CDH13: variants seen among roughly 807,000 people sequenced by gnomAD.
The protein encoded by CDH13 is cadherin 13, also known as cadherin-13.
Under a neutral mutation model 63.8 loss-of-function variants are expected in CDH13, and 24 were observed. The ratio of observed to expected loss-of-function variants is 0.38; its 90% CI spans 0.27 to 0.53. CDH13 has a LOEUF of 0.53. CDH13 is among the 20% of genes least tolerant of loss of function. CDH13 has a pLI of 0.85. For synonymous variants in CDH13, 503 were observed against 355.3 expected (o/e 1.42, Z -4.67); for missense variants, 1,049 against 903.1 (o/e 1.16, Z -2.07).
At chr16:83,184,301 C>T (rs1412406099) in intron 4 of CDH13, among the ~76,000 whole-genome samples, 1 of 152,142 alleles carries the variant, frequency 6.6e-6, no homozygotes, top group East Asian at 1.9e-4. Flanking sequence ...CAGCCTCTTA[C>T]ATTAACTCTA....
chr16:82,939,891 C>G (rs2151307027), intron 2 of CDH13, among the ~76,000 whole-genome samples: 1 of 152,284 alleles, frequency 6.6e-6, no homozygotes, highest in Non-Finnish European at 1.5e-5. Context: ...AAGACATGCC[C>G]TCGACTGGGT....
intron 4 of CDH13, among the ~76,000 whole-genome samples, chr16:83,182,195 T>G (rs1322186034): frequency 6.6e-6 from 1 of 152,258 alleles, no homozygotes. Context: ...TAATCCTTCC[T>G]GCCTCCTGCT....
At chr16:83,714,108 C>G (rs995862268) in intron 10 of CDH13, among the ~76,000 whole-genome samples, 2 of 152,134 alleles carry the variant, frequency 1.3e-5, no homozygotes, top group African/African-American at 4.8e-5. Flanking sequence ...TGCCCTACGC[C>G]AAATCAGGTG....
intron 3 of CDH13, among the ~76,000 whole-genome samples, chr16:83,084,326 T>C (rs1483431833): frequency 2.0e-5 from 3 of 152,160 alleles, no homozygotes; most frequent in South Asian, 4.1e-4. Context: ...GAGTTTTTGT[T>C]TGTCTCTTGT....
At chr16:82,716,009 A>C (rs964767588) in intron 1 of CDH13, among the ~76,000 whole-genome samples, 1 of 152,200 alleles carries the variant, frequency 6.6e-6, no homozygotes, top group Non-Finnish European at 1.5e-5. Context: ...GCTTCCCTGC[A>C]GTCTGCTGGC....
intron 8 of CDH13, among the ~76,000 whole-genome samples, chr16:83,643,410 C>G (rs911709332): frequency 7.5e-6 from 1 of 134,050 alleles, no homozygotes; most frequent in Non-Finnish European, 1.8e-5. Flanking sequence ...TGATCACACT[C>G]TCTTCAGTAT....
At chr16:83,282,081 A>C (rs866710885) in intron 5 of CDH13, among the ~76,000 whole-genome samples, 1 of 152,128 alleles carries the variant, frequency 6.6e-6, no homozygotes, top group African/African-American at 2.4e-5. Flanking sequence ...GGGAGTCCCA[A>C]GGAGAGGGAG....
chr16:83,350,317 G>A (rs1280121143), intron 6 of CDH13, among the ~76,000 whole-genome samples: 1 of 152,224 alleles, frequency 6.6e-6, no homozygotes, highest in East Asian at 1.9e-4. Context: ...AAAGATAGGT[G>A]GTGAGAGGTC....
intron 1 of CDH13, among the ~76,000 whole-genome samples, chr16:82,714,054 C>A (rs2032168609): frequency 1.3e-5 from 2 of 152,132 alleles, no homozygotes; most frequent in Admixed American, 1.3e-4. Flanking sequence ...CTGTCTCGGC[C>A]TTCCAAAGTG....
At chr16:83,572,673 A>C (rs1306704777) in intron 7 of CDH13, among the ~76,000 whole-genome samples, 1 of 152,210 alleles carries the variant, frequency 6.6e-6, no homozygotes, top group Non-Finnish European at 1.5e-5. Context: ...CTTCCGGGAC[A>C]TGGGCAGAGG....
At chr16:83,474,196 C>T (rs548436788) in intron 6 of CDH13, among the ~76,000 whole-genome samples, 1 of 152,246 alleles carries the variant, frequency 6.6e-6, no homozygotes, top group African/African-American at 2.4e-5. Context: ...GTATCTCCTC[C>T]TCCATGGAAT....
chr16:82,650,252 A>C (rs1356505177), intron 1 of CDH13, among the ~76,000 whole-genome samples: 1 of 152,140 alleles, frequency 6.6e-6, no homozygotes, highest in Admixed American at 6.5e-5. Flanking sequence ...TCCTTTTTGA[A>C]AAAAGAGTTA....
chr16:83,093,559 A>G (rs954044257), intron 3 of CDH13, among the ~76,000 whole-genome samples: 3 of 152,032 alleles, frequency 2.0e-5, no homozygotes, highest in South Asian at 2.1e-4. Context: ...ACCTCAGGTG[A>G]TCCACCTACC....
chr16:83,393,961 C>CTTGTCCTGTGCAGGAACA (rs2091837021), intron 6 of CDH13, among the ~76,000 whole-genome samples: 4 of 152,092 alleles, frequency 2.6e-5, no homozygotes. Flanking sequence ...ATGGATGGAC[C>CTTGTCCTGTGCAGGAACA]TGGAGGTCAT....
At chr16:83,243,904 C>T (rs1006724142) in intron 5 of CDH13, among the ~76,000 whole-genome samples, 1 of 152,136 alleles carries the variant, frequency 6.6e-6, no homozygotes, top group Non-Finnish European at 1.5e-5. Flanking sequence ...AAAAGAGTAA[C>T]ATCACCATTT....
At chr16:83,126,298 C>T (rs539613151) in intron 4 of CDH13, among the ~76,000 whole-genome samples, 260 of 152,262 alleles carry the variant, frequency 1.7e-3, no homozygotes, top group Non-Finnish European at 3.0e-3. Context: ...CGTGGTTAGT[C>T]CCTGCTTCTG....
At chr16:83,419,254 T>C (rs2071643305) in intron 6 of CDH13, among the ~76,000 whole-genome samples, 1 of 152,200 alleles carries the variant, frequency 6.6e-6, no homozygotes, top group South Asian at 2.1e-4. Context: ...GACATTTACT[T>C]ATTCATTGAT....
chr16:83,039,973 T>C (rs1917196083), intron 3 of CDH13, among the ~76,000 whole-genome samples: 1 of 151,926 alleles, frequency 6.6e-6, no homozygotes, highest in Admixed American at 6.6e-5. Flanking sequence ...TCCAGGCTCC[T>C]GTAGACACCT....
At chr16:83,327,817 T>G (rs886537351) in intron 5 of CDH13, among the ~76,000 whole-genome samples, 2 of 152,136 alleles carry the variant, frequency 1.3e-5, no homozygotes, top group African/African-American at 4.8e-5. Flanking sequence ...AACCAGCAAA[T>G]GCAAAGACCC....
Sources: allele counts gnomAD v4.1 joint callset (sites outside exome capture counted in the v4.1 genomes callset), GRCh38; gene constraint gnomAD v4.1.1; transcripts MANE v1.5; gene names NCBI Gene and HGNC (gene_info 2026-07-23, HGNC 2026-07-21).